CSGALNACT2: variants seen among roughly 807,000 people sequenced by gnomAD.
The protein encoded by CSGALNACT2 is chondroitin sulfate N-acetylgalactosaminyltransferase 2.
In CSGALNACT2, 35 loss-of-function variants were observed where a neutral mutation model predicts 55.3. The ratio of observed to expected loss-of-function variants is 0.63; its 90% confidence interval spans 0.48 to 0.84. The LOEUF (loss-of-function observed/expected upper bound fraction) is 0.84, where lower values mean the gene tolerates loss of function less well. Among genes scored for constraint, CSGALNACT2 ranks in the 40% least tolerant of loss-of-function variants. The pLI is 0.00. For missense variants in CSGALNACT2, 544 were observed against 657.5 expected (o/e 0.83, Z 1.89); for synonymous variants, 196 against 224.9 (o/e 0.87, Z 1.15).
intron 2 of CSGALNACT2, among the ~76,000 whole-genome samples, chr10:43,157,434 G>A (rs939616028): frequency 2.6e-5 from 4 of 152,162 alleles, no homozygotes; most frequent in Admixed American, 2.6e-4. Flanking sequence ...AATTAGTAAT[G>A]ACAACTAATT....
At chr10:43,152,283 A>AT (rs1564511446) in intron 1 of CSGALNACT2, among the ~76,000 whole-genome samples, 1 of 152,208 alleles carries the variant, frequency 6.6e-6, no homozygotes, top group African/African-American at 2.4e-5. Flanking sequence ...AATGTTTTCT[A>AT]TAATATTCTT....
At chr10:43,178,976 TG>T (rs1442226839) in intron 7 of CSGALNACT2, among the ~76,000 whole-genome samples, 1 of 152,166 alleles carries the variant, frequency 6.6e-6, no homozygotes, top group Admixed American at 6.5e-5. Flanking sequence ...GTTCTCTGAT[TG>T]TTTTTTCTGT....
intron 5 of CSGALNACT2, among the ~76,000 whole-genome samples, chr10:43,165,393 T>A (rs576503848): frequency 6.6e-6 from 1 of 151,928 alleles, no homozygotes; most frequent in South Asian, 2.1e-4. Flanking sequence ...AGGTTAATTA[T>A]GTGAGGTGAT....
In CSGALNACT2 at chr10:43,155,052, T is replaced by C; in HGVS notation, c.-98T>C. ...TTAAAGCTACGGCAGAATTATTTTA[T>C]GGAAATTCTGATTTTGTTTTTAATT... is the stretch of plus-strand genomic sequence containing the variant. On this transcript the variant is annotated 5_prime_UTR_variant, in exon 2 of 8. The change abolishes an upstream ATG in the 5' untranslated region. Coordinates refer to ENST00000374466, the MANE Select transcript of CSGALNACT2 (RefSeq NM_018590.5). The C allele has an allele frequency of 7.9e-6, 8 of 1,017,582 alleles. No individual in the cohort carries two copies. In the South Asian group the frequency reaches 1.0e-4, roughly 13 times the overall value. The allele number at this position is 1,017,582 out of a possible 1,614,324, so 63.0% of individuals were successfully genotyped here. A position where few individuals can be genotyped will look rare whatever the true frequency, so the allele number is the denominator to read the frequency against.
intron 6 of CSGALNACT2, among the ~76,000 whole-genome samples, chr10:43,167,909 A>C (rs1839300365): frequency 6.6e-6 from 1 of 152,166 alleles, no homozygotes; most frequent in Admixed American, 6.5e-5. Context: ...CAAGGAAAGT[A>C]ATAAAGGCAG....
chr10:43,178,714 G>T (rs117615818), intron 7 of CSGALNACT2, among the ~76,000 whole-genome samples: 1 of 149,502 alleles, frequency 6.7e-6, no homozygotes, highest in Non-Finnish European at 1.5e-5. Context: ...ATTTTTTATC[G>T]TTTTTTTCCC....
chr10:43,145,418 T>C (rs1838725288), intron 1 of CSGALNACT2, among the ~76,000 whole-genome samples: 1 of 145,906 alleles, frequency 6.9e-6, no homozygotes, highest in Non-Finnish European at 1.5e-5. Context: ...TTCTTTTTTT[T>C]TTTTTTTTTT....
intron 7 of CSGALNACT2, among the ~76,000 whole-genome samples, chr10:43,177,309 T>G (rs370549178): frequency 1.0e-3 from 153 of 152,284 alleles, no homozygotes; most frequent in African/African-American, 3.5e-3. Flanking sequence ...ATCATAAAAT[T>G]TATTAATTTA....
chr10:43,158,860 A>C lies in CSGALNACT2; in HGVS notation c.807A>C (p.Arg269Ser). 6.2e-7 allele frequency: 1 copy of C among 1,611,466 alleles called. No homozygotes were observed. The highest frequency in any genetic ancestry group is 8.5e-7 in the Non-Finnish European group (1 of 1,177,702). The change falls in exon 3 of 8, where the codon AGA (arginine) becomes AGC (serine). Residue 269 changes from arginine (R) to serine (S), a missense_variant. Transcript: ENST00000374466. ...AGAGTGAGATGATTGACATCACTAG[A>C]TCAATTATTAATATCATTGTGCCAC... ...KVKSEMIDITRSIINIIVPLA... is the reference protein window; with the variant it reads ...KVKSEMIDITSSIINIIVPLA...
intron 7 of CSGALNACT2, among the ~76,000 whole-genome samples, chr10:43,179,581 C>T (rs1290119124): frequency 1.3e-5 from 2 of 152,282 alleles, no homozygotes; most frequent in African/African-American, 4.8e-5. Context: ...CCATTGGTAT[C>T]ACTCCTATTA....
intron 1 of CSGALNACT2, among the ~76,000 whole-genome samples, chr10:43,153,312 G>A (rs1160733482): frequency 9.5e-6 from 1 of 104,742 alleles, no homozygotes; most frequent in Non-Finnish European, 1.7e-5. Context: ...TGCAGCCTGG[G>A]CGACAGAGCA....
intron 4 of CSGALNACT2, 91 bp from the exon 5 acceptor site, chr10:43,163,775 G>A (rs901361995): frequency 4.2e-6 from 6 of 1,425,832 alleles, no homozygotes; most frequent in Admixed American, 3.0e-5. Flanking sequence ...AATATTTGAA[G>A]TGTAAAACAT....
intron 6 of CSGALNACT2, among the ~76,000 whole-genome samples, chr10:43,172,837 G>C (rs1257094024): frequency 6.6e-6 from 1 of 152,216 alleles, no homozygotes; most frequent in African/African-American, 2.4e-5. Context: ...TGGTCAGAAA[G>C]GTGTTTCTGA....
At chr10:43,177,753 A>G (rs1033768029) in intron 7 of CSGALNACT2, among the ~76,000 whole-genome samples, 5 of 152,232 alleles carry the variant, frequency 3.3e-5, no homozygotes, top group African/African-American at 9.6e-5. Flanking sequence ...TTGGGTGGAC[A>G]TAGATTTTCA....
chr10:43,158,965 C>G (rs1361205682), intron 3 of CSGALNACT2, 34 bp downstream of exon 3: 4 of 1,272,252 alleles, frequency 3.1e-6, no homozygotes, highest in Non-Finnish European at 2.3e-6. Flanking sequence ...AAGCTACATT[C>G]TCCTAAAAAA....
At chr10:43,144,760 C>T (rs1838707345) in intron 1 of CSGALNACT2, among the ~76,000 whole-genome samples, 2 of 152,130 alleles carry the variant, frequency 1.3e-5, no homozygotes, top group Non-Finnish European at 2.9e-5. Flanking sequence ...ATGAGCAAAT[C>T]CATTACTCCC....
rs142782201 is a variant in CSGALNACT2, at chr10:43,148,951, G to A, written c.-253-5946G>A. Among the ~76,000 whole-genome samples, 97 of 152,198 alleles carry A rather than the reference G, an allele frequency of 6.4e-4. 1 individual carries two copies. The highest frequency in any genetic ancestry group is 3.4e-3 in the Middle Eastern group (1 of 294). On this transcript the variant is annotated intron_variant, in intron 1 of 7. Transcript: ENST00000374466. ...AGAAGTGACAAGAACAGACATCCTT[G>A]TCTTATTCCTGATCTTGGGGGAAGG...
At chr10:43,175,603 G>C (rs529449968) in intron 6 of CSGALNACT2, among the ~76,000 whole-genome samples, 18 of 152,258 alleles carry the variant, frequency 1.2e-4, no homozygotes, top group African/African-American at 4.3e-4. Context: ...CAATCAGGAA[G>C]GGGGTTGGGG....
At chr10:43,160,899 G>A (rs1839132798) in intron 4 of CSGALNACT2, among the ~76,000 whole-genome samples, 1 of 151,970 alleles carries the variant, frequency 6.6e-6, no homozygotes, top group Non-Finnish European at 1.5e-5. Flanking sequence ...ATCATCTTCT[G>A]AATTTGTCTC....
Sources: gnomAD v4.1 joint callset for allele counts (sites outside exome capture counted in the v4.1 genomes callset) on GRCh38, gnomAD v4.1.1 for gene constraint, MANE v1.5 for transcripts, NCBI Gene and HGNC (gene_info 2026-07-23, HGNC 2026-07-21) for gene names.